The following SGCD variants were observed in gnomAD, a reference collection of about 807,000 sequenced individuals.
SGCD encodes delta-sarcoglycan.
Under a neutral mutation model 36.6 loss-of-function variants are expected in SGCD, and 18 were observed. That is an observed-to-expected ratio of 0.49 (90% CI 0.34 to 0.73). The LOEUF (loss-of-function observed/expected upper bound fraction) is 0.73. SGCD is among the 30% of genes least tolerant of loss of function. The pLI is 0.01. For missense variants in SGCD, 387 were observed against 346.7 expected (o/e 1.12, Z -0.92); for synonymous variants, 133 against 130.6 (o/e 1.02, Z -0.12).
intron 4 of SGCD, among the ~76,000 whole-genome samples, chr5:156,571,878 C>A (rs1250955012): frequency 6.6e-6 from 1 of 152,202 alleles, no homozygotes; most frequent in Non-Finnish European, 1.5e-5. Context: ...TTTATTACCC[C>A]AAACAGAAAC....
intron 2 of SGCD, among the ~76,000 whole-genome samples, chr5:156,330,223 T>G (rs1330405091): frequency 6.6e-6 from 1 of 152,078 alleles, no homozygotes; most frequent in Non-Finnish European, 1.5e-5. Flanking sequence ...GAATGGTAAG[T>G]ATAATGCAAA....
chr5:156,547,274 A>G (rs1217867248), intron 4 of SGCD, among the ~76,000 whole-genome samples: 1 of 152,048 alleles, frequency 6.6e-6, no homozygotes, highest in African/African-American at 2.4e-5. Flanking sequence ...AGATTTCCAT[A>G]GCACCCCTGC....
intron 3 of SGCD, among the ~76,000 whole-genome samples, chr5:156,215,662 T>C (rs1462643113): frequency 6.6e-6 from 1 of 152,108 alleles, no homozygotes; most frequent in African/African-American, 2.4e-5. Flanking sequence ...ATGGCTATTA[T>C]CAAAATGATG....
Position 156,056,168 on chromosome 5 carries a change from C to T in SGCD, c.-281-61710C>T, listed in dbSNP as rs773849908. On this transcript the variant is annotated intron_variant, in intron 1 of 9. Coordinates refer to the SGCD transcript ENST00000517913. ...TAACAATGACAGAGATCTGACCTAA[C>T]TGACTCCATCTTACTTCTAACCTCC... 1.5e-4 allele frequency among the ~76,000 whole-genome samples: 22 copies of T among 145,960 alleles called. 5 individuals are homozygous for T. Among genetic ancestry groups the T allele is most frequent in the Non-Finnish European group, 3.2e-4 (21 of 64,782 alleles).
intron 6 of SGCD, among the ~76,000 whole-genome samples, chr5:156,615,338 T>A (rs1209706360): frequency 1.3e-5 from 2 of 152,242 alleles, no homozygotes; most frequent in Non-Finnish European, 2.9e-5. Context: ...TGTAGATTAG[T>A]TTTTTAAATA....
rs1772051486 is a variant in SGCD, at chr5:156,399,868, T to A, written c.192+55191T>A. On this transcript the variant is annotated intron_variant, in intron 3 of 8. Transcript: ENST00000337851. ...TTCTGGGGCCTGGAACATAGCAGAA[T>A]ATAAGAAATATTTGTTCCTGTCACT... Among the ~76,000 whole-genome samples the A allele has an allele frequency of 2.6e-5, 4 of 152,194 alleles. No individual in the cohort carries two copies. The South Asian group carries it at 8.3e-4, about 32-fold the overall frequency.
At chr5:156,403,865 C>T (rs1232778457) in intron 3 of SGCD, among the ~76,000 whole-genome samples, 3 of 150,096 alleles carry the variant, frequency 2.0e-5, no homozygotes, top group Non-Finnish European at 4.4e-5. Context: ...GATGGAGGCT[C>T]ACTATGTCAC....
At chr5:155,990,442 A>G (rs900210589) in intron 1 of SGCD, among the ~76,000 whole-genome samples, 3 of 152,156 alleles carry the variant, frequency 2.0e-5, no homozygotes, top group Non-Finnish European at 2.9e-5. Flanking sequence ...TAAGGAAAGC[A>G]CATGCATGAT....
chr5:156,005,965 C>T (rs1404606098), intron 1 of SGCD, among the ~76,000 whole-genome samples: 1 of 152,142 alleles, frequency 6.6e-6, no homozygotes, highest in Non-Finnish European at 1.5e-5. Flanking sequence ...TCAGTTTCCC[C>T]CTTTTTTGTG....
chr5:155,795,338 A>ACATTATT, the SGCD span, among the ~76,000 whole-genome samples: 1 of 152,176 alleles, frequency 6.6e-6, no homozygotes, highest in Non-Finnish European at 1.5e-5. Flanking sequence ...AATAATGCAA[A>ACATTATT]GCAACACTAA....
chr5:155,904,582 A>T (rs1756458684), intron 1 of SGCD, among the ~76,000 whole-genome samples: 1 of 152,134 alleles, frequency 6.6e-6, no homozygotes, highest in African/African-American at 2.4e-5. Context: ...ATGCTTATAT[A>T]GTATGTAGGT....
chr5:156,487,370 A>G (rs1332918790), intron 3 of SGCD, among the ~76,000 whole-genome samples: 1 of 152,258 alleles, frequency 6.6e-6, no homozygotes, highest in Non-Finnish European at 1.5e-5. Flanking sequence ...TCCCTATGGT[A>G]GCCAAGACAT....
chr5:156,540,435 G>A (rs1434078656), intron 4 of SGCD, among the ~76,000 whole-genome samples: 1 of 152,006 alleles, frequency 6.6e-6, no homozygotes, highest in Admixed American at 6.6e-5. Context: ...TATATCTGTG[G>A]CAATGCTGGG....
chr5:156,506,626 GA>G (rs1309427206), intron 3 of SGCD, among the ~76,000 whole-genome samples: 1 of 151,952 alleles, frequency 6.6e-6, no homozygotes, highest in Non-Finnish European at 1.5e-5. Flanking sequence ...CAGTCAACTG[GA>G]AAAAAACCCT....
At chr5:156,221,659 C>T (rs982308714) in intron 3 of SGCD, among the ~76,000 whole-genome samples, 2 of 151,714 alleles carry the variant, frequency 1.3e-5, no homozygotes, top group Admixed American at 1.3e-4. Context: ...GTTTATTATT[C>T]TCATTATTAT....
At chr5:155,938,065 C>G (rs758111463) in intron 1 of SGCD, among the ~76,000 whole-genome samples, 1 of 152,194 alleles carries the variant, frequency 6.6e-6, no homozygotes. Flanking sequence ...CAGACATGAA[C>G]GCAAACATGC....
intron 3 of SGCD, among the ~76,000 whole-genome samples, chr5:156,432,156 C>T (rs948154568): frequency 6.6e-6 from 1 of 152,196 alleles, no homozygotes; most frequent in Non-Finnish European, 1.5e-5. Context: ...CCAGCATCTG[C>T]TCTGATGGAG....
intron 3 of SGCD, among the ~76,000 whole-genome samples, chr5:156,216,874 T>C (rs1437345461): frequency 6.6e-6 from 1 of 151,858 alleles, no homozygotes; most frequent in East Asian, 1.9e-4. Context: ...AGGTGAGGAG[T>C]TCGAGACCAG....
the SGCD span, among the ~76,000 whole-genome samples, chr5:155,815,911 A>G: frequency 6.6e-6 from 1 of 152,220 alleles, no homozygotes; most frequent in Non-Finnish European, 1.5e-5. Flanking sequence ...ACAGTTTTGC[A>G]CATTGGAAAA....
Sources: allele counts gnomAD v4.1 joint callset (sites outside exome capture counted in the v4.1 genomes callset), GRCh38; gene constraint gnomAD v4.1.1; transcripts MANE v1.5; gene names NCBI Gene and HGNC (gene_info 2026-07-23, HGNC 2026-07-21).